The following ST3GAL3 variants were observed in gnomAD, a reference collection of about 807,000 sequenced individuals.
The protein encoded by ST3GAL3 is ST3 beta-galactoside alpha-2,3-sialyltransferase 3, also known as CMP-N-acetylneuraminate-beta-1,4-galactoside alpha-2,3-sialyltransferase.
In ST3GAL3, 21 loss-of-function variants were observed where a neutral mutation model predicts 50.1. The ratio of observed to expected loss-of-function variants is 0.42; its 90% CI spans 0.30 to 0.60. The LOEUF is 0.60. Among genes scored for constraint, ST3GAL3 ranks in the 20% least tolerant of loss-of-function variants. The probability of loss-of-function intolerance (pLI) is 0.19; values close to 1 mark genes in which losing one functional copy is unlikely to be tolerated. For missense variants in ST3GAL3, 353 were observed against 489.4 expected (o/e 0.72, Z 2.63); for synonymous variants, 183 against 190.0 (o/e 0.96, Z 0.30).
chr1:43,726,192 G>A (rs1672844352), intron 1 of ST3GAL3, among the ~76,000 whole-genome samples: 2 of 152,062 alleles, frequency 1.3e-5, no homozygotes, highest in Admixed American at 6.6e-5. Flanking sequence ...AGCTTATTGT[G>A]ATGTCTGTCA....
rs1377587254 is a variant in ST3GAL3, at chr1:43,899,816, C to G, written c.744+89C>G. On this transcript the variant is annotated intron_variant, in intron 9 of 11. Transcript: ENST00000347631. The surrounding 1 kb of genome is among the most constrained non-coding windows in gnomAD (Gnocchi z 5.4). ...CCCGCCCCTTGAATGCAGCAAAGAACGAGTAAGAACCTTCAAAGGAAACAT... is the reference window on the plus strand; with the variant it reads ...CCCGCCCCTTGAATGCAGCAAAGAAGGAGTAAGAACCTTCAAAGGAAACAT... The G allele has an allele frequency of 7.9e-7, 1 of 1,268,378 alleles. No individual in the cohort carries two copies. Among genetic ancestry groups the G allele is most frequent in the East Asian group, 2.4e-5 (1 of 41,752 alleles). The allele number at this position is 1,268,378 out of a possible 1,614,324, so 78.6% of individuals were successfully genotyped here.
chr1:43,765,808 CGTCCGCGT>C (rs1160259099), intron 2 of ST3GAL3, among the ~76,000 whole-genome samples: 224 of 145,646 alleles, frequency 1.5e-3, no homozygotes, highest in African/African-American at 5.8e-3. Context: ...CGCGTCCGCG[CGTCCGCGT>C]GCGCTTTTTT....
At chr1:43,825,304 AAT>A (rs2062643583) in intron 4 of ST3GAL3, among the ~76,000 whole-genome samples, 1 of 152,164 alleles carries the variant, frequency 6.6e-6, no homozygotes, top group Non-Finnish European at 1.5e-5. Context: ...ACAATGAAAA[AAT>A]ATATTTGGAT....
chr1:43,873,525 C>T (rs921183913), intron 5 of ST3GAL3, among the ~76,000 whole-genome samples: 8 of 151,874 alleles, frequency 5.3e-5, no homozygotes, highest in African/African-American at 1.5e-4. Flanking sequence ...TGGTTCACAC[C>T]TGTAATCCCA....
intron 5 of ST3GAL3, among the ~76,000 whole-genome samples, chr1:43,867,020 C>G (rs2071485800): frequency 6.6e-6 from 1 of 152,172 alleles, no homozygotes; most frequent in Admixed American, 6.5e-5. Flanking sequence ...ATCGCAGCTA[C>G]TTGGGACGCT....
At chr1:43,887,142 A>T (rs1305379351) in intron 5 of ST3GAL3, among the ~76,000 whole-genome samples, 1 of 152,140 alleles carries the variant, frequency 6.6e-6, no homozygotes, top group Non-Finnish European at 1.5e-5. Flanking sequence ...GAGAGTAGAG[A>T]ATGTTTGGAA....
At chr1:43,812,308 G>C (rs938738140) in intron 3 of ST3GAL3, among the ~76,000 whole-genome samples, 9 of 152,202 alleles carry the variant, frequency 5.9e-5, no homozygotes, top group African/African-American at 2.2e-4. Flanking sequence ...GTTAGCAGGA[G>C]CTGGTGGGAG....
rs758748254 is a variant in ST3GAL3 at position 43,765,733 on chromosome 1, ATGTGTGTGTC to A, written c.119-26349_119-26340del. ...AAAAGGGTAAAACAATTTCATGTGC[ATGTGTGTGTC>A]TGTGTGTGTCTGTGTGTGTGTGTGT... On this transcript the variant is annotated intron_variant, in intron 2 of 11. Transcript: ENST00000347631. Among the ~76,000 whole-genome samples the A allele has an allele frequency of 4.4e-3, 637 of 144,086 alleles. 1 individual carries two copies. Among genetic ancestry groups the A allele is most frequent in the South Asian group, 7.1e-3 (32 of 4,490 alleles). The allele number at this position is 144,086 out of a possible 152,430, so 94.5% of individuals were successfully genotyped here. A position where few individuals can be genotyped will look rare whatever the true frequency, so the allele number is the denominator to read the frequency against.
intron 5 of ST3GAL3, among the ~76,000 whole-genome samples, chr1:43,879,773 A>G (rs1374774618): frequency 6.6e-6 from 1 of 152,178 alleles, no homozygotes; most frequent in Admixed American, 6.5e-5. Flanking sequence ...CTCACCATCA[A>G]AGCCAGAGCC....
intron 4 of ST3GAL3, among the ~76,000 whole-genome samples, chr1:43,827,848 A>G (rs758194925): frequency 2.3e-4 from 35 of 152,166 alleles, no homozygotes; most frequent in Admixed American, 1.0e-3. Context: ...TACTTGATCT[A>G]TAAATTCAAT....
At chr1:43,817,349 T>G (rs1268044769) in intron 4 of ST3GAL3, among the ~76,000 whole-genome samples, 2 of 151,014 alleles carry the variant, frequency 1.3e-5, no homozygotes, top group Non-Finnish European at 3.0e-5. Context: ...CCTTCTTCCT[T>G]CTTCTTCTTC....
rs2073314625 is a variant in ST3GAL3 at position 43,872,979 on chromosome 1, CA to C, written c.303-21403del. On this transcript the variant is annotated intron_variant, in intron 5 of 11. Coordinates refer to ENST00000347631, the MANE Select transcript of ST3GAL3 (RefSeq NM_006279.5). ...AAAGCTCTGAGGTGGGATCCAAATG[CA>C]GGAAAGATGCCTGTGTTAAAGAAGT... Among the ~76,000 whole-genome samples, 5 of 152,212 alleles carry C rather than the reference CA, an allele frequency of 3.3e-5. No individual in the cohort carries two copies. The South Asian group carries it at 1.0e-3, about 32-fold the overall frequency.
chr1:43,878,553 G>A (rs1374212752), intron 5 of ST3GAL3, among the ~76,000 whole-genome samples: 2 of 152,198 alleles, frequency 1.3e-5, no homozygotes, highest in Non-Finnish European at 2.9e-5. Flanking sequence ...AGAGGAAACA[G>A]CTCTAGTCAA....
intron 2 of ST3GAL3, among the ~76,000 whole-genome samples, chr1:43,785,075 G>T (rs533475341): frequency 2.0e-5 from 3 of 149,936 alleles, no homozygotes; most frequent in African/African-American, 7.4e-5. Context: ...GTTTTGTTTG[G>T]GATTGGGGTT....
intron 4 of ST3GAL3, among the ~76,000 whole-genome samples, chr1:43,836,536 TACC>T (rs2064353479): frequency 6.6e-6 from 1 of 152,210 alleles, no homozygotes; most frequent in Non-Finnish European, 1.5e-5. Context: ...TCATTTCTGG[TACC>T]ACCACCCCAC....
chr1:43,826,420 T>C (rs534389276), intron 4 of ST3GAL3, among the ~76,000 whole-genome samples: 2 of 152,246 alleles, frequency 1.3e-5, no homozygotes, highest in Admixed American at 1.3e-4. Flanking sequence ...ACTAAAGAAA[T>C]TAAATCACTA....
At chr1:43,762,856 A>G (rs892607911) in intron 2 of ST3GAL3, among the ~76,000 whole-genome samples, 9 of 152,102 alleles carry the variant, frequency 5.9e-5, no homozygotes, top group Admixed American at 2.0e-4. Context: ...AGTCCTGGGG[A>G]AATGATAACC....
intron 3 of ST3GAL3, among the ~76,000 whole-genome samples, chr1:43,805,654 A>G (rs948702900): frequency 6.6e-6 from 1 of 152,224 alleles, no homozygotes; most frequent in Non-Finnish European, 1.5e-5. Context: ...TAAATGTATA[A>G]TCACAAACTG....
Position 43,724,811 on chromosome 1 carries a change from T to A in ST3GAL3, c.-30-11422T>A, listed in dbSNP as rs576413082. Reference sequence around the variant, plus strand: ...GAAAGGCTCTTACCACCTCTCACAGTTTTAGGGGCTGTATAAAGGTCAAAT... The same window carrying A: ...GAAAGGCTCTTACCACCTCTCACAGATTTAGGGGCTGTATAAAGGTCAAAT... On this transcript the variant is annotated intron_variant, in intron 1 of 11. Transcript: ENST00000347631. Among the ~76,000 whole-genome samples, 7 of 152,082 alleles carry A rather than the reference T, an allele frequency of 4.6e-5. No individual in the cohort carries two copies. The South Asian group carries it at 1.5e-3, about 32-fold the overall frequency.
Sources: gnomAD v4.1 joint callset for allele counts (sites outside exome capture counted in the v4.1 genomes callset) on GRCh38, gnomAD v4.1.1 for gene constraint, Gnocchi (gnomAD v3.1) non-coding constraint, MANE v1.5 for transcripts, NCBI Gene and HGNC (gene_info 2026-07-23, HGNC 2026-07-21) for gene names.